The following FCHO2 variants were observed in gnomAD, a reference collection of about 807,000 sequenced individuals.
FCHO2 encodes F-BAR domain only protein 2.
Under a neutral mutation model 114.1 loss-of-function variants are expected in FCHO2, and 43 were observed. The observed-to-expected ratio is 0.38, with a 90% CI of 0.30 to 0.49. FCHO2 has a LOEUF of 0.49. Ranked by LOEUF, FCHO2 falls within the 20% of genes least tolerant of loss-of-function variation. The pLI, the probability that FCHO2 is intolerant of heterozygous loss-of-function variation, is 0.97. For missense variants in FCHO2, 807 were observed against 950.4 expected (o/e 0.85, Z 1.98); for synonymous variants, 293 against 315.2 (o/e 0.93, Z 0.75).
intron 6 of FCHO2, 38 bp downstream of exon 6, chr5:73,006,587 T>TTA: frequency 7.4e-7 from 1 of 1,345,572 alleles, no homozygotes; most frequent in Non-Finnish European, 9.9e-7. Flanking sequence ...AACAGGGCAT[T>TTA]TATATTTGTG....
intron 18 of FCHO2, among the ~76,000 whole-genome samples, chr5:73,066,575 C>CTTTTT (rs3054234): frequency 1.5e-3 from 151 of 101,358 alleles, no homozygotes; most frequent in African/African-American, 1.6e-3. Flanking sequence ...AGTGCCTTTT[C>CTTTTT]TTTTTTTTTT....
intron 5 of FCHO2, chr5:72,996,782 C>T: frequency 1.6e-6 from 1 of 631,892 alleles, no homozygotes; most frequent in Admixed American, 2.8e-5. Flanking sequence ...CCGCTTGCTC[C>T]ATACCCCTCT....
At chr5:73,065,795 TA>T (rs1157606406) in intron 18 of FCHO2, among the ~76,000 whole-genome samples, 7 of 152,024 alleles carry the variant, frequency 4.6e-5, no homozygotes, top group African/African-American at 1.7e-4. Context: ...TACATGTATA[TA>T]TTGCATACCG....
intron 10 of FCHO2, among the ~76,000 whole-genome samples, chr5:73,039,032 C>T (rs967288440): frequency 6.6e-6 from 1 of 152,094 alleles, no homozygotes; most frequent in African/African-American, 2.4e-5. Flanking sequence ...AATAATTTCC[C>T]AATATGATAT....
chr5:73,064,629 T>C (rs1279726892), intron 18 of FCHO2, among the ~76,000 whole-genome samples: 1 of 152,064 alleles, frequency 6.6e-6, no homozygotes, highest in Non-Finnish European at 1.5e-5. Context: ...GTTGACTGTT[T>C]TAGCTGAATG....
chr5:73,059,772 A>G (rs1364653135), intron 17 of FCHO2, among the ~76,000 whole-genome samples: 1 of 151,966 alleles, frequency 6.6e-6, no homozygotes, highest in Admixed American at 6.6e-5. Flanking sequence ...AGCCTTTCTC[A>G]TTGAGCATTT....
chr5:73,008,990 G>T (rs147701043), intron 6 of FCHO2, among the ~76,000 whole-genome samples: 1 of 152,326 alleles, frequency 6.6e-6, no homozygotes, highest in East Asian at 1.9e-4. Flanking sequence ...ACAAAGCCAT[G>T]ATGACAGCAC....
At chr5:73,004,240 A>G (rs961278938) in intron 5 of FCHO2, among the ~76,000 whole-genome samples, 1 of 152,114 alleles carries the variant, frequency 6.6e-6, no homozygotes, top group African/African-American at 2.4e-5. Context: ...AAACTTGGTT[A>G]TCTGGGTTTC....
At chr5:73,020,400 T>C (rs1755555172) in intron 8 of FCHO2, among the ~76,000 whole-genome samples, 1 of 152,210 alleles carries the variant, frequency 6.6e-6, no homozygotes, top group African/African-American at 2.4e-5. Flanking sequence ...CGTCTCTCAC[T>C]TTCTCAGACT....
At chr5:72,963,923 T>G (rs1752033968) in intron 1 of FCHO2, among the ~76,000 whole-genome samples, 1 of 146,846 alleles carries the variant, frequency 6.8e-6, no homozygotes, top group Non-Finnish European at 1.5e-5. Flanking sequence ...TTTTTTTTTT[T>G]TTTTTTGTTT....
chr5:73,006,249 C>T (rs186597957), intron 5 of FCHO2, among the ~76,000 whole-genome samples, 196 bp from the exon 6 acceptor site: 5 of 152,228 alleles, frequency 3.3e-5, no homozygotes, highest in Admixed American at 3.3e-4. Context: ...TCAGTGTTTA[C>T]TTCCTGACTT....
In FCHO2 at chr5:73,068,635, C is replaced by T. The variant is rs1742480467; in HGVS notation, c.1450-15C>T. ...ATTGTTTTAGCATTTTGATAAATAACTTTTTGTTTTTAAGCCCAGGCCATT... is the reference window on the plus strand; with the variant it reads ...ATTGTTTTAGCATTTTGATAAATAATTTTTTGTTTTTAAGCCCAGGCCATT... On this transcript the variant is annotated splice_polypyrimidine_tract_variant and intron_variant, in intron 18 of 25. Transcript: ENST00000430046. 1 of 1,605,924 alleles carries T rather than the reference C, an allele frequency of 6.2e-7. No individual in the cohort carries two copies. Among genetic ancestry groups the T allele is most frequent in the East Asian group, 2.2e-5 (1 of 44,636 alleles).
Position 72,989,342 on chromosome 5 carries a change from T to C in FCHO2, c.126-85T>C, listed in dbSNP as rs1369993670. On this transcript the variant is annotated intron_variant, in intron 2 of 25. Transcript: ENST00000430046. ...GTAATTTTTGAGGTATCTTTTTGTT[T>C]TGCACTTTTAATTGTATTTTGATAA... The C allele has an allele frequency of 6.2e-6, 6 of 962,334 alleles. No individual in the cohort carries two copies. The African/African-American group carries it at 8.2e-5, about 13-fold the overall frequency. The allele number at this position is 962,334 out of a possible 1,614,324, so 59.6% of individuals were successfully genotyped here.
intron 10 of FCHO2, among the ~76,000 whole-genome samples, chr5:73,040,836 C>T (rs1022286112): frequency 2.0e-5 from 3 of 152,102 alleles, no homozygotes; most frequent in Non-Finnish European, 4.4e-5. Flanking sequence ...GGTTTTCAGA[C>T]TACTTGCTAC....
chr5:73,047,562 C>CTT (rs200064211), intron 11 of FCHO2, among the ~76,000 whole-genome samples: 1 of 142,280 alleles, frequency 7.0e-6, no homozygotes, highest in African/African-American at 2.6e-5. Flanking sequence ...AACTTTTTTC[C>CTT]TTTTTTTTTT....
intron 8 of FCHO2, among the ~76,000 whole-genome samples, chr5:73,029,505 T>C (rs1756115591): frequency 6.6e-6 from 1 of 152,206 alleles, no homozygotes; most frequent in Non-Finnish European, 1.5e-5. Flanking sequence ...TTTCTAAATT[T>C]TTCTCATAGT....
Position 73,036,347 on chromosome 5 carries a change from G to GT in FCHO2, c.842-789dup, listed in dbSNP as rs941839030. ...CATATTGTAAACTTACTTCTTTTTTGTTTTTTTGTTTTTTTCTGTTTCTGT... is the reference window on the plus strand; with the variant it reads ...CATATTGTAAACTTACTTCTTTTTTGTTTTTTTTGTTTTTTTCTGTTTCTGT... On this transcript the variant is annotated intron_variant, in intron 9 of 25. Coordinates refer to ENST00000430046, the MANE Select transcript of FCHO2 (RefSeq NM_138782.3). Among the ~76,000 whole-genome samples the GT allele has an allele frequency of 1.6e-4, 24 of 151,744 alleles. 1 individual carries two copies. The highest frequency in any genetic ancestry group is 1.5e-3 in the South Asian group (7 of 4,784).
chr5:72,957,679 C>T (rs1751632616), intron 1 of FCHO2, among the ~76,000 whole-genome samples: 1 of 152,072 alleles, frequency 6.6e-6, no homozygotes, highest in African/African-American at 2.4e-5. Context: ...TTTGTGTGAA[C>T]ATATGTTTTC....
At chr5:73,048,144 T>C (rs1757151335) in intron 11 of FCHO2, among the ~76,000 whole-genome samples, 1 of 152,138 alleles carries the variant, frequency 6.6e-6, no homozygotes, top group Admixed American at 6.5e-5. Flanking sequence ...AATCAGCTTA[T>C]TTTTTATTTT....
Sources: gnomAD v4.1 joint callset for allele counts (sites outside exome capture counted in the v4.1 genomes callset) on GRCh38, gnomAD v4.1.1 for gene constraint, MANE v1.5 for transcripts, NCBI Gene and HGNC (gene_info 2026-07-23, HGNC 2026-07-21) for gene names.